The following TIFAB variants were observed in gnomAD, a reference collection of about 807,000 sequenced individuals.
TIFAB encodes TIFA inhibitor, also known as TRAF-interacting protein with FHA domain-containing protein B.
For missense variants in TIFAB, 222 were observed against 203.6 expected (o/e 1.09, Z -0.55); for synonymous variants, 116 against 95.2 (o/e 1.22, Z -1.27).
Position 135,449,130 on chromosome 5 carries a change from A to G in TIFAB, c.*324T>C, listed in dbSNP as rs1406164736. 8.7e-6 allele frequency: 3 copies of G among 343,336 alleles called. No homozygotes were observed. Among genetic ancestry groups the G allele is most frequent in the Non-Finnish European group, 1.6e-5 (3 of 182,378 alleles). The allele number at this position is 343,336 out of a possible 1,614,324, so 21.3% of individuals were successfully genotyped here. A position where few individuals can be genotyped will look rare whatever the true frequency, so the allele number is the denominator to read the frequency against. On this transcript the variant is annotated 3_prime_UTR_variant, in exon 2 of 2. Coordinates refer to ENST00000537858, the MANE Select transcript of TIFAB (RefSeq NM_001099221.2). Reference sequence around the variant, plus strand: ...AGAACCCCTCAGGGCCTCTAAAAGTATATGATGTTCCCATTACATTGCATA... The same window carrying G: ...AGAACCCCTCAGGGCCTCTAAAAGTGTATGATGTTCCCATTACATTGCATA...
chr5:135,447,120 C>G lies in TIFAB; in HGVS notation c.*2334G>C, dbSNP rs769892272. The G allele has an allele frequency of 1.9e-6, 3 of 1,613,954 alleles. No individual in the cohort carries two copies. Among genetic ancestry groups the G allele is most frequent in the Non-Finnish European group, 2.5e-6 (3 of 1,179,896 alleles). On this transcript the variant is annotated 3_prime_UTR_variant, in exon 2 of 2. Coordinates refer to ENST00000537858, the MANE Select transcript of TIFAB (RefSeq NM_001099221.2). ...GCTCCGTAATGCATAGTTGGGGGACCATTTTGGTCAGTGACAGATCACTGC... is the reference window on the plus strand; with the variant it reads ...GCTCCGTAATGCATAGTTGGGGGACGATTTTGGTCAGTGACAGATCACTGC...
intron 1 of TIFAB, among the ~76,000 whole-genome samples, chr5:135,451,332 G>A (rs1309727537): frequency 1.3e-5 from 2 of 152,126 alleles, no homozygotes; most frequent in Non-Finnish European, 2.9e-5. Context: ...AGATGCAGTA[G>A]GTTAATGGCT....
At chr5:135,450,002 T>C (rs1769338859) in intron 1 of TIFAB, 53 bp from the exon 2 acceptor site, 1 of 1,508,178 alleles carries the variant, frequency 6.6e-7, no homozygotes, top group Non-Finnish European at 8.9e-7. Flanking sequence ...GAGACCTCTG[T>C]GGCTCCCTGA....
intron 1 of TIFAB, among the ~76,000 whole-genome samples, chr5:135,451,023 T>C (rs1413654139): frequency 6.6e-6 from 1 of 152,244 alleles, no homozygotes; most frequent in Non-Finnish European, 1.5e-5. Flanking sequence ...TGTCCTGTCT[T>C]CCCTGAGTTC....
At position 135,447,147 on chromosome 5, in the gene TIFAB, G is replaced by C. The variant is rs369467972; in HGVS notation, c.*2307C>G. The C allele has an allele frequency of 8.7e-6, 14 of 1,613,342 alleles. No homozygotes were observed. Among genetic ancestry groups the C allele is most frequent in the East Asian group, 6.7e-5 (3 of 44,894 alleles). ...TTTTGGTCAGTGACAGATCACTGCT[G>C]CTTTTCATCAGACCAAAATACATGT... On this transcript the variant is annotated 3_prime_UTR_variant, in exon 2 of 2. Coordinates refer to ENST00000537858, the MANE Select transcript of TIFAB (RefSeq NM_001099221.2).
intron 1 of TIFAB, among the ~76,000 whole-genome samples, chr5:135,450,342 A>G (rs1769343454): frequency 6.6e-6 from 1 of 152,220 alleles, no homozygotes; most frequent in Non-Finnish European, 1.5e-5. Flanking sequence ...TCTGACAGTC[A>G]CACAACAAAC....
In TIFAB at chr5:135,449,858, G is replaced by C. The variant is rs372509947; in HGVS notation, c.82C>G (p.Arg28Gly). Residue 28 changes from arginine (R) to glycine (G), a missense_variant, in exon 2 of 2, where the codon CGG (arginine) becomes GGG (glycine). By Grantham distance (125) the Arg-to-Gly change is moderately radical (BLOSUM62 -2). Coordinates refer to ENST00000537858, the MANE Select transcript of TIFAB (RefSeq NM_001099221.2). ...AGAGGGCTGGTATCATGCTGCAGCCGTGGTGGGACATTGGCAAAGGCAGAT... is the reference window on the plus strand; with the variant it reads ...AGAGGGCTGGTATCATGCTGCAGCCCTGGTGGGACATTGGCAAAGGCAGAT... ...GPSAFANVPP[R>G]LQHDTSPLLL... The C allele has an allele frequency of 4.4e-6, 7 of 1,589,174 alleles. No homozygotes were observed. Among genetic ancestry groups the C allele is most frequent in the Non-Finnish European group, 6.0e-6 (7 of 1,165,242 alleles).
Position 135,449,825 on chromosome 5 carries a change from C to T in TIFAB, c.115G>A (p.Gly39Arg), listed in dbSNP as rs371948648. The T allele has an allele frequency of 8.6e-5, 139 of 1,608,552 alleles. No homozygotes were observed. The highest frequency in any genetic ancestry group is 3.3e-4 in the Middle Eastern group (2 of 6,032). The change falls in exon 2 of 2, where the codon GGA becomes AGA. Residue 39 changes from glycine (G) to arginine (R), a missense_variant. Coordinates refer to ENST00000537858, the MANE Select transcript of TIFAB (RefSeq NM_001099221.2). ...TGGAGGTGGGCGTCCTGCCCCCGTC[C>T]GAGAAGCAGAGGGCTGGTATCATGC... Reference protein sequence around the residue: ...LQHDTSPLLLGRGQDAHLQLQ... With the variant: ...LQHDTSPLLLRRGQDAHLQLQ...
In TIFAB at chr5:135,444,394, C is replaced by T. The variant is rs1242457920; in HGVS notation, c.*5060G>A. 1.3e-5 allele frequency: 2 copies of T among 152,306 alleles called. No individual in the cohort carries two copies. Among genetic ancestry groups the T allele is most frequent in the African/African-American group, 2.4e-5 (1 of 41,452 alleles). The allele number at this position is 152,306 out of a possible 1,614,324, so 9.4% of individuals were successfully genotyped here. On this transcript the variant is annotated 3_prime_UTR_variant, in exon 2 of 2. Coordinates refer to ENST00000537858, the MANE Select transcript of TIFAB (RefSeq NM_001099221.2). ...GGGTTTTGAGGGTCTGGTGCGGTGTCCGGTGAACGGCTGCAATGCAGGTTA... is the reference window on the plus strand; with the variant it reads ...GGGTTTTGAGGGTCTGGTGCGGTGTTCGGTGAACGGCTGCAATGCAGGTTA...
chr5:135,450,058 C>T (rs1769339386), intron 1 of TIFAB, 109 bp from the exon 2 acceptor site: 1 of 1,416,894 alleles, frequency 7.1e-7, no homozygotes, highest in Admixed American at 2.4e-5. Context: ...CCTGTTCATA[C>T]AATCACTCTG....
rs897371873 is a variant in TIFAB, at chr5:135,445,697, TG to T, written c.*3756del. 5.3e-5 allele frequency: 8 copies of T among 152,380 alleles called. No homozygotes were observed. Among genetic ancestry groups the T allele is most frequent in the Non-Finnish European group, 7.3e-5 (5 of 68,170 alleles). 9.4% of individuals were successfully genotyped at this position (152,380 alleles called of 1,614,324 possible). A position where few individuals can be genotyped will look rare whatever the true frequency, so the allele number is the denominator to read the frequency against. On this transcript the variant is annotated 3_prime_UTR_variant, in exon 2 of 2. Coordinates refer to ENST00000537858, the MANE Select transcript of TIFAB (RefSeq NM_001099221.2). ...CAGGCACGGAGTGAGTGCTCCACCA[TG>T]GGCCTCCCTTCCTCCAGGTTGCATC... is the stretch of plus-strand genomic sequence containing the variant.
At chr5:135,451,054 C>A (rs538956192) in intron 1 of TIFAB, among the ~76,000 whole-genome samples, 2 of 152,222 alleles carry the variant, frequency 1.3e-5, no homozygotes, top group Admixed American at 6.5e-5. Context: ...GCCCCTGAGG[C>A]CTCCCAAGGG....
chr5:135,449,362 C>A lies in TIFAB; in HGVS notation c.*92G>T, dbSNP rs1769325737. 2 of 1,535,468 alleles carry A rather than the reference C, an allele frequency of 1.3e-6. No homozygotes were observed. The highest frequency in any genetic ancestry group is 2.5e-5 in the South Asian group (2 of 80,436). On this transcript the variant is annotated 3_prime_UTR_variant, in exon 2 of 2. Coordinates refer to ENST00000537858, the MANE Select transcript of TIFAB (RefSeq NM_001099221.2). ...CACTGTCTGGGGGTTCCCTCTGGAG[C>A]TGTATTTCTGTTCCTCCTCCAGGTC...
chr5:135,446,377 C>T lies in TIFAB; in HGVS notation c.*3077G>A, dbSNP rs760045869. The T allele has an allele frequency of 6.9e-6, 11 of 1,597,316 alleles. No individual in the cohort carries two copies. The highest frequency in any genetic ancestry group is 6.0e-6 in the Non-Finnish European group (7 of 1,169,184). The stretch of plus-strand genomic sequence containing the variant: ...GTGTGTGCACACGCACACATGTTCA[C>T]TCAGGCACGTGGGCTGCCCTGCGGT... On this transcript the variant is annotated 3_prime_UTR_variant, in exon 2 of 2. Transcript: ENST00000537858.
Position 135,449,875 on chromosome 5 carries a change from A to T in TIFAB, c.65T>A (p.Phe22Tyr). 6.3e-7 allele frequency: 1 copy of T among 1,577,098 alleles called. No homozygotes were observed. The highest frequency in any genetic ancestry group is 8.6e-7 in the Non-Finnish European group (1 of 1,159,206). ...CTGCAGCCGTGGTGGGACATTGGCA[A>T]AGGCAGATGGGCCCAGCGTGGGATG... ...LYHPTLGPSA[F>Y]ANVPPRLQHD... Residue 22 changes from phenylalanine to tyrosine, a missense_variant, in exon 2 of 2, where the codon TTT (phenylalanine) becomes TAT (tyrosine). Phe to Tyr is a conservative substitution (Grantham distance 22). Transcript: ENST00000537858.
chr5:135,447,020 G>A lies in TIFAB; in HGVS notation c.*2434C>T. The A allele has an allele frequency of 1.2e-6, 2 of 1,613,892 alleles. No homozygotes were observed. The highest frequency in any genetic ancestry group is 1.7e-6 in the Non-Finnish European group (2 of 1,179,840). On this transcript the variant is annotated 3_prime_UTR_variant, in exon 2 of 2. Transcript: ENST00000537858. ...TGGGAACTCTGGGGTTTCCCCACCA[G>A]CTCCTCTCTCCAGTCTTTGGTGTCC... is the stretch of plus-strand genomic sequence containing the variant.
At position 135,446,884 on chromosome 5, in the gene TIFAB, G is replaced by T; in HGVS notation, c.*2570C>A. On this transcript the variant is annotated 3_prime_UTR_variant, in exon 2 of 2. Transcript: ENST00000537858. ...CCTCTCGCAGGACCCCAGCTGGCAA[G>T]GTTTTGTTCCTCCCTGGAGGGTAGA... 1.9e-6 allele frequency: 3 copies of T among 1,613,826 alleles called. No individual in the cohort carries two copies. In the African/African-American group the frequency reaches 4.0e-5, roughly 22 times the overall value.
rs1769325678 is a variant in TIFAB, at chr5:135,449,357, T to C, written c.*97A>G. 5 of 1,529,934 alleles carry C rather than the reference T, an allele frequency of 3.3e-6. No individual in the cohort carries two copies. In the Admixed American group the frequency reaches 5.5e-5, roughly 17 times the overall value. 94.8% of individuals were successfully genotyped at this position (1,529,934 alleles called of 1,614,324 possible). Reference sequence around the variant, plus strand: ...GAGTGCACTGTCTGGGGGTTCCCTCTGGAGCTGTATTTCTGTTCCTCCTCC... The same window carrying C: ...GAGTGCACTGTCTGGGGGTTCCCTCCGGAGCTGTATTTCTGTTCCTCCTCC... On this transcript the variant is annotated 3_prime_UTR_variant, in exon 2 of 2. Coordinates refer to ENST00000537858, the MANE Select transcript of TIFAB (RefSeq NM_001099221.2).
chr5:135,449,951 T>C lies in TIFAB; in HGVS notation c.-10-2A>G. On this transcript the variant is annotated splice_acceptor_variant, in intron 1 of 1. Transcript: ENST00000537858. LOFTEE classifies it low-confidence loss of function (5UTR_SPLICE). ...AGGGGCTTCTCCATGGAAGAAGTCC[T>C]GGGAAGTTGGAACATGGACACACAG... 1 of 1,515,850 alleles carries C rather than the reference T, an allele frequency of 6.6e-7. No individual in the cohort carries two copies. The allele number at this position is 1,515,850 out of a possible 1,614,324, so 93.9% of individuals were successfully genotyped here.
Sources: allele counts gnomAD v4.1 joint callset (sites outside exome capture counted in the v4.1 genomes callset), GRCh38; gene constraint gnomAD v4.1.1; transcripts MANE v1.5; gene names NCBI Gene and HGNC (gene_info 2026-07-23, HGNC 2026-07-21).